MAGI2: variants seen among roughly 807,000 people sequenced by gnomAD.
MAGI2 encodes membrane-associated guanylate kinase, WW and PDZ domain-containing protein 2.
MAGI2 carries 35 observed loss-of-function variants against 133.3 expected under a neutral mutation model. The observed-to-expected ratio is 0.26, with a 90% CI of 0.20 to 0.35. The LOEUF (loss-of-function observed/expected upper bound fraction) is 0.35. MAGI2 is among the 10% of genes least tolerant of loss of function. The pLI is 1.00. For missense variants in MAGI2, 1,636 were observed against 1,863.4 expected, an observed-to-expected ratio of 0.88 and a Z score of 2.25; for synonymous variants, 729 against 710.6, an observed-to-expected ratio of 1.03 and a Z score of -0.41.
In MAGI2 at chr7:78,389,442, T is replaced by A. The variant is rs1036107986; in HGVS notation, c.1046-20229A>T. ...CTTGAAGATAGGGAGCATATCTTAC[T>A]CATCTTTGTGTTCCTGGAACCTACT... is the stretch of plus-strand genomic sequence containing the variant. On this transcript the variant is annotated intron_variant, in intron 6 of 21. Coordinates refer to ENST00000354212, the MANE Select transcript of MAGI2 (RefSeq NM_012301.4). Among the ~76,000 whole-genome samples the A allele has an allele frequency of 8.5e-5, 13 of 152,212 alleles. 1 individual carries two copies. Among genetic ancestry groups the A allele is most frequent in the African/African-American group, 2.2e-4 (9 of 41,472 alleles).
intron 2 of MAGI2, among the ~76,000 whole-genome samples, chr7:78,928,778 T>C (rs1461517090): frequency 1.3e-5 from 2 of 152,002 alleles, no homozygotes; most frequent in African/African-American, 4.8e-5. Context: ...AGAACAGCAA[T>C]GGTCATTATT....
intron 21 of MAGI2, among the ~76,000 whole-genome samples, chr7:78,041,291 T>C (rs963003352): frequency 3.9e-5 from 6 of 152,134 alleles, no homozygotes; most frequent in African/African-American, 1.4e-4. Flanking sequence ...ACGAGTTTGG[T>C]TGAATGAAAG....
At chr7:78,611,813 G>A (rs1806479476) in intron 3 of MAGI2, among the ~76,000 whole-genome samples, 1 of 152,098 alleles carries the variant, frequency 6.6e-6, no homozygotes, top group South Asian at 2.1e-4. Context: ...TAGACATCCA[G>A]CACAAAAAGG....
At chr7:79,448,653 C>T (rs909066478) in intron 1 of MAGI2, among the ~76,000 whole-genome samples, 18 of 152,070 alleles carry the variant, frequency 1.2e-4, no homozygotes, top group Non-Finnish European at 1.8e-4. Flanking sequence ...CTCTACCCCA[C>T]CTTCTGAGGA....
At chr7:79,333,788 A>G (rs978952417) in intron 1 of MAGI2, among the ~76,000 whole-genome samples, 2 of 152,194 alleles carry the variant, frequency 1.3e-5, no homozygotes, top group Admixed American at 6.5e-5. Context: ...GTTAAAATAC[A>G]TAAATATAAA....
chr7:79,188,617 A>G (rs1827378845), intron 1 of MAGI2, among the ~76,000 whole-genome samples: 1 of 151,852 alleles, frequency 6.6e-6, no homozygotes, highest in Non-Finnish European at 1.5e-5. Context: ...GATTTGTTAA[A>G]TAATGGGGAT....
intron 10 of MAGI2, among the ~76,000 whole-genome samples, chr7:78,219,617 A>G (rs1211762483): frequency 2.6e-5 from 4 of 152,110 alleles, no homozygotes; most frequent in Non-Finnish European, 5.9e-5. Context: ...TGACTATTCT[A>G]CAGGGCCCAC....
At chr7:78,354,903 A>T (rs1223749328) in intron 7 of MAGI2, among the ~76,000 whole-genome samples, 1 of 152,174 alleles carries the variant, frequency 6.6e-6, no homozygotes, top group Non-Finnish European at 1.5e-5. Context: ...GGAGGCTACA[A>T]TTCTGTTAGG....
chr7:78,227,850 T>TTGTGTGTGTGTGTGTGTGTG (rs3085614), intron 10 of MAGI2, among the ~76,000 whole-genome samples: 6,655 of 145,440 alleles, frequency 0.046, 226 homozygotes, highest in Middle Eastern at 0.079. Flanking sequence ...TCTTACTCAG[T>TTGTGTGTGTGTGTGTGTGTG]TGTGTGTGTG....
intron 1 of MAGI2, among the ~76,000 whole-genome samples, chr7:79,085,166 T>C (rs1039838631): frequency 1.3e-5 from 2 of 151,824 alleles, no homozygotes; most frequent in Non-Finnish European, 2.9e-5. Context: ...AGTTTTTCAT[T>C]ATTTTCTCTT....
chr7:78,817,213 A>G (rs181479296), intron 2 of MAGI2, among the ~76,000 whole-genome samples: 2 of 152,214 alleles, frequency 1.3e-5, no homozygotes, highest in Non-Finnish European at 1.5e-5. Context: ...ACTCATGACA[A>G]AACTTGAGGA....
intron 2 of MAGI2, among the ~76,000 whole-genome samples, chr7:78,977,767 A>G (rs900987682): frequency 4.6e-5 from 7 of 151,806 alleles, no homozygotes; most frequent in African/African-American, 1.7e-4. Flanking sequence ...AGACTAGGAT[A>G]AAATGTTTGC....
intron 18 of MAGI2, among the ~76,000 whole-genome samples, chr7:78,128,375 A>G (rs1370623854): frequency 6.6e-6 from 1 of 152,196 alleles, no homozygotes; most frequent in Non-Finnish European, 1.5e-5. Flanking sequence ...GCCTATTGCC[A>G]TGGTAACAGT....
Position 79,007,178 on chromosome 7 carries a change from G to A in MAGI2, c.330C>T (p.His110=). 2.5e-6 allele frequency: 4 copies of A among 1,610,448 alleles called. No homozygotes were observed. Among genetic ancestry groups the A allele is most frequent in the Non-Finnish European group, 3.4e-6 (4 of 1,178,770 alleles). Residue 110 remains histidine, a synonymous_variant, in exon 2 of 22, where the codon CAC becomes CAT. Transcript: ENST00000354212. ...CCTTTTGAAATCGTAAGTTGAGGTAGTGACGAAGGTCTTTATCAACAATTC... is the reference window on the plus strand; with the variant it reads ...CCTTTTGAAATCGTAAGTTGAGGTAATGACGAAGGTCTTTATCAACAATTC... ...QGGIVDKDLR[H]YLNLRFQKGS... is the part of the protein sequence containing the mutation.
rs184115891 is a variant in MAGI2 at position 78,303,175 on chromosome 7, C to T, written c.1408+40603G>A. Among the ~76,000 whole-genome samples, 6 of 152,006 alleles carry T rather than the reference C, an allele frequency of 3.9e-5. No individual in the cohort carries two copies. In the East Asian group the frequency reaches 7.8e-4, roughly 20 times the overall value. On this transcript the variant is annotated intron_variant, in intron 9 of 21. Coordinates refer to ENST00000354212, the MANE Select transcript of MAGI2 (RefSeq NM_012301.4). ...GGTGGATCATCTGAAGTCAAGAGTT[C>T]GAGACCAGCCTGGCCAACATGGTGA... is the stretch of plus-strand genomic sequence containing the variant.
At chr7:79,122,215 G>A (rs901649221) in intron 1 of MAGI2, among the ~76,000 whole-genome samples, 3 of 152,052 alleles carry the variant, frequency 2.0e-5, no homozygotes, top group African/African-American at 4.8e-5. Context: ...CAGAAGATAC[G>A]TCTTCCTTTA....
intron 1 of MAGI2, among the ~76,000 whole-genome samples, chr7:79,300,037 C>T (rs1427120489): frequency 1.3e-5 from 2 of 152,108 alleles, no homozygotes; most frequent in Non-Finnish European, 2.9e-5. Flanking sequence ...GCCAATTAAG[C>T]CTCTTTTTAA....
At chr7:78,286,651 TG>T (rs1796171021) in intron 9 of MAGI2, among the ~76,000 whole-genome samples, 1 of 152,010 alleles carries the variant, frequency 6.6e-6, no homozygotes, top group Non-Finnish European at 1.5e-5. Context: ...TGAAGGGCTG[TG>T]GGGGCATGTC....
intron 3 of MAGI2, among the ~76,000 whole-genome samples, chr7:78,623,803 T>C (rs930501062): frequency 4.6e-5 from 7 of 152,290 alleles, no homozygotes; most frequent in South Asian, 2.1e-4. Flanking sequence ...TTTTGGTCAC[T>C]GACAGACCAC....
Sources: allele counts gnomAD v4.1 joint callset (sites outside exome capture counted in the v4.1 genomes callset), GRCh38; gene constraint gnomAD v4.1.1; transcripts MANE v1.5; gene names NCBI Gene and HGNC (gene_info 2026-07-23, HGNC 2026-07-21).